The following TTLL11 variants were observed in gnomAD, a reference collection of about 807,000 sequenced individuals.
TTLL11 encodes the protein tubulin polyglutamylase TTLL11.
In TTLL11, 42 loss-of-function variants were observed where a neutral mutation model predicts 51.7. The ratio of observed to expected loss-of-function variants is 0.81; its 90% CI spans 0.64 to 1.05. The LOEUF (loss-of-function observed/expected upper bound fraction) is 1.05. Ranked by LOEUF, TTLL11 falls within the 50% of genes least tolerant of loss-of-function variation. The pLI, the probability that TTLL11 is intolerant of heterozygous loss-of-function variation, is 0.00. For missense variants in TTLL11, 799 were observed against 940.4 expected (o/e 0.85, Z 1.97); for synonymous variants, 381 against 383.5 (o/e 0.99, Z 0.08).
Position 121,820,649 on chromosome 9 carries a change from T to A in TTLL11, c.*1938A>T, listed in dbSNP as rs1418912227. On this transcript the variant is annotated 3_prime_UTR_variant, in exon 9 of 9. Transcript: ENST00000321582. ...CCTGACTACATGGCCTCCTGGGCCTTCCTTTCCTCATCTGAAAGGGGAGCA... is the reference window on the plus strand; with the variant it reads ...CCTGACTACATGGCCTCCTGGGCCTACCTTTCCTCATCTGAAAGGGGAGCA... Among the ~76,000 whole-genome samples the A allele has an allele frequency of 6.6e-6, 1 of 152,026 alleles. No individual in the cohort carries two copies. Among genetic ancestry groups the A allele is most frequent in the African/African-American group, 2.4e-5 (1 of 41,400 alleles).
intron 3 of TTLL11, among the ~76,000 whole-genome samples, chr9:121,998,967 C>T (rs1843376476): frequency 6.6e-6 from 1 of 152,138 alleles, no homozygotes; most frequent in South Asian, 2.1e-4. Flanking sequence ...GGCTTTGTAA[C>T]TAGAGGTTTC....
At chr9:121,823,938 C>T (rs1054649544) in intron 8 of TTLL11, among the ~76,000 whole-genome samples, 30 of 152,166 alleles carry the variant, frequency 2.0e-4, no homozygotes, top group Non-Finnish European at 3.8e-4. Flanking sequence ...AGACCCGGCC[C>T]CGGTACAGGA....
At chr9:121,869,691 C>T (rs377458732) in intron 7 of TTLL11, among the ~76,000 whole-genome samples, 68 of 152,258 alleles carry the variant, frequency 4.5e-4, no homozygotes, top group South Asian at 1.7e-3. Flanking sequence ...ACTTACCATA[C>T]GCTAGATGTT....
intron 3 of TTLL11, among the ~76,000 whole-genome samples, chr9:122,025,940 T>C (rs917897219): frequency 3.9e-5 from 6 of 152,150 alleles, no homozygotes; most frequent in Non-Finnish European, 7.4e-5. Flanking sequence ...AAACATTCAA[T>C]AGAATACTCC....
chr9:122,059,657 A>C (rs1325185945), intron 1 of TTLL11, among the ~76,000 whole-genome samples: 2 of 152,250 alleles, frequency 1.3e-5, no homozygotes, highest in Non-Finnish European at 2.9e-5. Flanking sequence ...TGCACAAAAA[A>C]ATTAATACAA....
At chr9:121,914,203 T>C (rs1413377461) in intron 6 of TTLL11, among the ~76,000 whole-genome samples, 1 of 152,238 alleles carries the variant, frequency 6.6e-6, no homozygotes, top group African/African-American at 2.4e-5. Flanking sequence ...TAAAGTTTTA[T>C]TGGAACACAG....
intron 3 of TTLL11, among the ~76,000 whole-genome samples, chr9:122,013,884 A>G (rs1843888174): frequency 6.6e-6 from 1 of 152,226 alleles, no homozygotes; most frequent in Non-Finnish European, 1.5e-5. Flanking sequence ...TTTAACTCCA[A>G]TGAAGAGTTT....
At chr9:122,014,708 G>A (rs937588573) in intron 3 of TTLL11, among the ~76,000 whole-genome samples, 2 of 152,192 alleles carry the variant, frequency 1.3e-5, no homozygotes, top group Admixed American at 6.5e-5. Flanking sequence ...GTGGGTCTTA[G>A]TCCCAGCTAC....
chr9:122,071,162 C>T (rs1487713835), intron 1 of TTLL11, among the ~76,000 whole-genome samples: 1 of 152,138 alleles, frequency 6.6e-6, no homozygotes, highest in East Asian at 1.9e-4. Context: ...GTTCCCTTCC[C>T]CTTAGGAGAG....
chr9:122,017,903 C>T (rs866068004), intron 3 of TTLL11, among the ~76,000 whole-genome samples: 2 of 152,004 alleles, frequency 1.3e-5, no homozygotes, highest in African/African-American at 4.8e-5. Context: ...AAAAAAGAAG[C>T]CTTTTTAAAG....
chr9:121,825,674 C>G (rs1243271143), intron 8 of TTLL11, among the ~76,000 whole-genome samples: 4 of 152,118 alleles, frequency 2.6e-5, no homozygotes, highest in Non-Finnish European at 4.4e-5. Flanking sequence ...GGGCCCAAGG[C>G]ACTGAATTTC....
chr9:121,974,057 C>T lies in TTLL11; in HGVS notation c.1433G>A (p.Arg478Lys). The part of the protein sequence containing the change: ...VDEEVKVAVI[R>K]DTLRLMDPLK... ...TGGGTCCATGAGGCGCAGAGTGTCT[C>T]TGATCACAGCCACTTTCACTTCTTC... The change falls in exon 6 of 9, where the codon AGA becomes AAA. Residue 478 changes from arginine (R) to lysine (K), a missense_variant. Around this residue, in one of 3 missense-constraint regions of TTLL11, gnomAD observed 468 missense variants for 612.8 expected, o/e 0.76. Transcript: ENST00000321582. 6.4e-7 allele frequency: 1 copy of T among 1,551,704 alleles called. No homozygotes were observed. The highest frequency in any genetic ancestry group is 8.7e-7 in the Non-Finnish European group (1 of 1,146,982).
At chr9:122,059,744 T>A in intron 1 of TTLL11, among the ~76,000 whole-genome samples, 1 of 152,214 alleles carries the variant, frequency 6.6e-6, no homozygotes, top group South Asian at 2.1e-4. Context: ...TGTAACTGGT[T>A]TCTCTGTTCC....
At chr9:122,019,926 C>A (rs913373442) in intron 3 of TTLL11, among the ~76,000 whole-genome samples, 1 of 152,198 alleles carries the variant, frequency 6.6e-6, no homozygotes, top group Non-Finnish European at 1.5e-5. Context: ...TCACTTGGTT[C>A]TCATAGTCTC....
chr9:121,913,577 T>C (rs953544089), intron 6 of TTLL11, among the ~76,000 whole-genome samples: 3 of 152,222 alleles, frequency 2.0e-5, no homozygotes, highest in African/African-American at 4.8e-5. Context: ...AGTTACTTTA[T>C]GCTTAATGGA....
chr9:122,034,409 T>C (rs901070157), intron 2 of TTLL11, among the ~76,000 whole-genome samples: 1 of 152,206 alleles, frequency 6.6e-6, no homozygotes, highest in Non-Finnish European at 1.5e-5. Context: ...CCAGGCAGTT[T>C]TTCTACTGAA....
intron 1 of TTLL11, among the ~76,000 whole-genome samples, chr9:122,052,594 C>A (rs1179110949): frequency 6.6e-6 from 1 of 152,170 alleles, no homozygotes; most frequent in East Asian, 1.9e-4. Context: ...TCATTCTTCA[C>A]CTCATACTTA....
chr9:121,985,924 A>C (rs140219338), intron 4 of TTLL11, among the ~76,000 whole-genome samples: 19 of 152,318 alleles, frequency 1.2e-4, no homozygotes, highest in Non-Finnish European at 2.8e-4. Context: ...TGTCACCCAC[A>C]TTACTTCACA....
intron 8 of TTLL11, among the ~76,000 whole-genome samples, chr9:121,847,422 T>C (rs977959205): frequency 6.6e-6 from 1 of 152,100 alleles, no homozygotes; most frequent in Admixed American, 6.5e-5. Flanking sequence ...ATTAGATTAC[T>C]AATTAGTAAT....
Sources: gnomAD v4.1 joint callset for allele counts (sites outside exome capture counted in the v4.1 genomes callset) on GRCh38, gnomAD v4.1.1 for gene constraint, gnomAD v4.1.1 regional missense constraint, MANE v1.5 for transcripts, NCBI Gene and HGNC (gene_info 2026-07-23, HGNC 2026-07-21) for gene names.